Variants in SERPINB3 observed in about 807,000 individuals in gnomAD.
SERPINB3 encodes the protein serpin family B member 3, also known as serpin B3.
In SERPINB3, 33 loss-of-function variants were observed where a neutral mutation model predicts 33.0. The ratio of observed to expected loss-of-function variants is 1.00; its 90% confidence interval spans 0.76 to 1.34. SERPINB3 has a LOEUF of 1.34. Ranked by LOEUF, SERPINB3 falls within the 40% of genes most tolerant of loss-of-function variation. The pLI, the probability that SERPINB3 is intolerant of heterozygous loss-of-function variation, is 0.00. For missense variants in SERPINB3, 518 were observed against 461.5 expected (o/e 1.12, Z -1.12); for synonymous variants, 200 against 170.9 (o/e 1.17, Z -1.33).
Position 63,660,807 on chromosome 18 carries a change from G to T in SERPINB3, c.215C>A (p.Thr72Lys), listed in dbSNP as rs1246907944. 1 of 1,613,374 alleles carries T rather than the reference G, an allele frequency of 6.2e-7. No individual in the cohort carries two copies. Among genetic ancestry groups the T allele is most frequent in the South Asian group, 1.1e-5 (1 of 91,070 alleles). Residue 72 changes from threonine (T) to lysine (K), a missense_variant, in exon 3 of 8, where the codon ACA becomes AAA. Physicochemically the swap from Thr to Lys is moderately conservative, Grantham distance 78. Transcript: ENST00000283752. ...VTENTTGKAATYHVDRSGNVH... is the reference protein window; with the variant it reads ...VTENTTGKAAKYHVDRSGNVH... Reference sequence around the variant, plus strand: ...TAGTGCTCTGTGACTCACATGATATGTTGCAGCTTTTCCTGTGGTGTTCTC... The same window carrying T: ...TAGTGCTCTGTGACTCACATGATATTTTGCAGCTTTTCCTGTGGTGTTCTC...
intron 1 of SERPINB3, among the ~76,000 whole-genome samples, chr18:63,661,521 G>A (rs1913646364): frequency 6.6e-6 from 1 of 152,052 alleles, no homozygotes; most frequent in Non-Finnish European, 1.5e-5. Flanking sequence ...GGGCTAGGTA[G>A]GAAGGCTTTA....
At chr18:63,658,213 C>A (rs1488918552) in intron 5 of SERPINB3, among the ~76,000 whole-genome samples, 4 of 152,104 alleles carry the variant, frequency 2.6e-5, no homozygotes, top group Non-Finnish European at 4.4e-5. Context: ...AAGTAAAGGA[C>A]ATGATCTCAA....
rs767160236 is a variant in SERPINB3, at chr18:63,659,385, C to G, written c.351+14G>C. The stretch of plus-strand genomic sequence containing the variant: ...AGGATGCAAATGAAATGTGGGTAGG[C>G]CAGGTGAAATTACCTGTAAAAATAG... On this transcript the variant is annotated intron_variant, in intron 4 of 7. Transcript: ENST00000283752. The G allele has an allele frequency of 6.8e-7, 1 of 1,464,312 alleles. No individual in the cohort carries two copies. The highest frequency in any genetic ancestry group is 9.0e-7 in the Non-Finnish European group (1 of 1,112,220). 90.7% of individuals were successfully genotyped at this position (1,464,312 alleles called of 1,614,324 possible). A position where few individuals can be genotyped will look rare whatever the true frequency, so the allele number is the denominator to read the frequency against.
chr18:63,659,542 A>G lies in SERPINB3; in HGVS notation c.223-15T>C. 1 of 1,613,418 alleles carries G rather than the reference A, an allele frequency of 6.2e-7. No individual in the cohort carries two copies. The highest frequency in any genetic ancestry group is 8.5e-7 in the Non-Finnish European group (1 of 1,179,552). On this transcript the variant is annotated splice_polypyrimidine_tract_variant and intron_variant, in intron 3 of 7. Coordinates refer to ENST00000283752, the MANE Select transcript of SERPINB3 (RefSeq NM_006919.3). ...GACCTATCAACCTTCAAACATCAAAAAAGGAGATCATTCAATTGCTGTATC... is the reference window on the plus strand; with the variant it reads ...GACCTATCAACCTTCAAACATCAAAGAAGGAGATCATTCAATTGCTGTATC...
intron 7 of SERPINB3, among the ~76,000 whole-genome samples, chr18:63,656,413 C>T (rs1400279705): frequency 6.6e-6 from 1 of 152,104 alleles, no homozygotes; most frequent in Non-Finnish European, 1.5e-5. Context: ...CTACATGTGT[C>T]AATTTTTAAT....
chr18:63,657,625 A>C (rs1186054081), intron 5 of SERPINB3, among the ~76,000 whole-genome samples: 2 of 152,148 alleles, frequency 1.3e-5, no homozygotes, highest in Non-Finnish European at 2.9e-5. Context: ...GTTGCCCTTA[A>C]TGGAGACATC....
intron 4 of SERPINB3, chr18:63,659,166 C>A (rs562899857): frequency 2.8e-4 from 156 of 560,640 alleles, no homozygotes; most frequent in Admixed American, 1.1e-3. Flanking sequence ...ACTCTATTAC[C>A]CAACCTCCTC....
In SERPINB3 at chr18:63,659,668, T is replaced by G. The variant is rs1250243094; in HGVS notation, c.223-141A>C. 7.7e-6 allele frequency: 9 copies of G among 1,173,458 alleles called. No individual in the cohort carries two copies. In the South Asian group the frequency reaches 1.3e-4, roughly 17 times the overall value. 72.7% of individuals were successfully genotyped at this position (1,173,458 alleles called of 1,614,324 possible). A position where few individuals can be genotyped will look rare whatever the true frequency, so the allele number is the denominator to read the frequency against. On this transcript the variant is annotated intron_variant, in intron 3 of 7. Coordinates refer to ENST00000283752, the MANE Select transcript of SERPINB3 (RefSeq NM_006919.3). ...GCTTATTCCCTGATACTTGGTGTAT[T>G]TCACCTCAAATACCCTTCAAAATCC... is the stretch of plus-strand genomic sequence containing the variant.
At chr18:63,659,055 A>G (rs933497695) in intron 4 of SERPINB3, among the ~76,000 whole-genome samples, 12 of 152,126 alleles carry the variant, frequency 7.9e-5, no homozygotes, top group African/African-American at 2.7e-4. Flanking sequence ...GCCCATTCCA[A>G]TAATATCCCA....
chr18:63,655,925 A>T lies in SERPINB3; in HGVS notation c.905T>A (p.Met302Lys). 1 of 1,613,934 alleles carries T rather than the reference A, an allele frequency of 6.2e-7. No homozygotes were observed. The part of the protein sequence containing the change: ...SYDLKDTLRT[M>K]GMVDIFNGDA... ...CCCATTGAAGATATCCACCATTCCC[A>T]TGGTTCTCAACGTGTCCTTGAGGTC... The change falls in exon 8 of 8, where the codon ATG becomes AAG. Residue 302 changes from methionine (M) to lysine (K), a missense_variant. Met to Lys is a moderately conservative substitution (Grantham distance 95). Transcript: ENST00000283752.
At position 63,658,689 on chromosome 18, in the gene SERPINB3, C is replaced by T. The variant is rs564339702; in HGVS notation, c.352-59G>A. On this transcript the variant is annotated intron_variant, in intron 4 of 7. Coordinates refer to ENST00000283752, the MANE Select transcript of SERPINB3 (RefSeq NM_006919.3). The stretch of plus-strand genomic sequence containing the variant: ...GAGTAATTTATGTAACTATATATTA[C>T]CAAATTTAGTTATTTATAATTATAG... 1.8e-5 allele frequency: 24 copies of T among 1,307,030 alleles called. No individual in the cohort carries two copies. In the South Asian group the frequency reaches 2.3e-4, roughly 12 times the overall value. 81.0% of individuals were successfully genotyped at this position (1,307,030 alleles called of 1,614,324 possible). A position where few individuals can be genotyped will look rare whatever the true frequency, so the allele number is the denominator to read the frequency against.
chr18:63,658,386 G>A lies in SERPINB3; in HGVS notation c.469+127C>T, dbSNP rs1180990868. The A allele has an allele frequency of 5.6e-6, 4 of 718,656 alleles. No individual in the cohort carries two copies. The East Asian group carries it at 7.7e-5, about 14-fold the overall frequency. The allele number at this position is 718,656 out of a possible 1,614,324, so 44.5% of individuals were successfully genotyped here. On this transcript the variant is annotated intron_variant, in intron 5 of 7. Coordinates refer to ENST00000283752, the MANE Select transcript of SERPINB3 (RefSeq NM_006919.3). ...CATTTGGAAAAACTCTTCATCTGGA[G>A]TGCCCTCTTCTTCCCTCCCTGCAAA...
chr18:63,657,262 G>A lies in SERPINB3; in HGVS notation c.612+8C>T. On this transcript the variant is annotated splice_region_variant and intron_variant, in intron 6 of 7. Coordinates refer to ENST00000283752, the MANE Select transcript of SERPINB3 (RefSeq NM_006919.3). ...TATTACATTATATAAATAAAATATA[G>A]ACAATACCTTGTTTGGCCAAAATTT... 2.1e-6 allele frequency: 3 copies of A among 1,405,128 alleles called. No individual in the cohort carries two copies. Among genetic ancestry groups the A allele is most frequent in the Non-Finnish European group, 3.0e-6 (3 of 1,005,346 alleles). The allele number at this position is 1,405,128 out of a possible 1,614,324, so 87.0% of individuals were successfully genotyped here.
chr18:63,659,869 T>G (rs576695660), intron 3 of SERPINB3, among the ~76,000 whole-genome samples: 2 of 152,310 alleles, frequency 1.3e-5, no homozygotes, highest in South Asian at 2.1e-4. Flanking sequence ...GGACCATATT[T>G]CACTTCTAAC....
chr18:63,658,847 C>CT (rs1436053141), intron 4 of SERPINB3, among the ~76,000 whole-genome samples: 5 of 152,258 alleles, frequency 3.3e-5, no homozygotes, highest in East Asian at 1.9e-4. Context: ...TCAATATCAT[C>CT]TGGCAAAAGG....
intron 7 of SERPINB3, 132 bp downstream of exon 7, chr18:63,656,699 G>A (rs1913505352): frequency 4.7e-6 from 5 of 1,073,090 alleles, no homozygotes; most frequent in East Asian, 2.4e-5. Context: ...ATGAAGGTGA[G>A]TCATCATTCC....
intron 5 of SERPINB3, among the ~76,000 whole-genome samples, 180 bp downstream of exon 5, chr18:63,658,333 C>T (rs552408141): frequency 2.6e-5 from 4 of 152,176 alleles, no homozygotes; most frequent in Admixed American, 2.6e-4. Context: ...TGATTTCCTC[C>T]TTGGCTCCCC....
intron 3 of SERPINB3, among the ~76,000 whole-genome samples, chr18:63,660,353 T>G (rs565685489): frequency 6.6e-6 from 1 of 152,294 alleles, no homozygotes; most frequent in African/African-American, 2.4e-5. Flanking sequence ...ATTATTGTGA[T>G]TAGTATAATT....
In SERPINB3 at chr18:63,658,196, T is replaced by C. The variant is rs1913548184; in HGVS notation, c.469+317A>G. ...AATATTCATCATAAAATATTGGTTC[T>C]GATTTAAAGTAAAGGACATGATCTC... On this transcript the variant is annotated intron_variant, in intron 5 of 7. Coordinates refer to ENST00000283752, the MANE Select transcript of SERPINB3 (RefSeq NM_006919.3). Among the ~76,000 whole-genome samples the C allele has an allele frequency of 2.0e-5, 3 of 152,152 alleles. No homozygotes were observed. The South Asian group carries it at 6.2e-4, about 32-fold the overall frequency.
Sources: gnomAD v4.1 joint callset for allele counts (sites outside exome capture counted in the v4.1 genomes callset) on GRCh38, gnomAD v4.1.1 for gene constraint, MANE v1.5 for transcripts, NCBI Gene and HGNC (gene_info 2026-07-23, HGNC 2026-07-21) for gene names.